The following NYAP2 variants were observed in gnomAD, a reference collection of about 807,000 sequenced individuals.
NYAP2 encodes neuronal tyrosine-phosphorylated phosphoinositide-3-kinase adaptor 2, also known as neuronal tyrosine-phosphorylated phosphoinositide-3-kinase adapter 2.
A neutral mutation model predicts 50.4 loss-of-function variants in NYAP2; 23 were observed. That is an observed-to-expected ratio of 0.46 (90% CI 0.33 to 0.65). The LOEUF (loss-of-function observed/expected upper bound fraction) is 0.65, where lower values mean the gene tolerates loss of function less well. NYAP2 is among the 30% of genes least tolerant of loss of function. The probability of loss-of-function intolerance (pLI) is 0.02; values close to 1 mark genes in which losing one functional copy is unlikely to be tolerated. For synonymous variants in NYAP2, 394 were observed against 365.2 expected, an observed-to-expected ratio of 1.08 and a Z score of -0.90; for missense variants, 885 against 861.0, an observed-to-expected ratio of 1.03 and a Z score of -0.35.
chr2:225,445,134 A>G (rs574356333), intron 3 of NYAP2, among the ~76,000 whole-genome samples: 1 of 152,212 alleles, frequency 6.6e-6, no homozygotes, highest in Non-Finnish European at 1.5e-5. Context: ...TGTTTGGGTT[A>G]CTCATATAAT....
chr2:225,399,438 G>A (rs141308368), upstream of NYAP2, among the ~76,000 whole-genome samples: 524 of 151,924 alleles, frequency 3.4e-3, 2 homozygotes, highest in South Asian at 0.023. Context: ...AGAGTCTTTG[G>A]GAAATATCAG....
intron 3 of NYAP2, among the ~76,000 whole-genome samples, chr2:225,424,662 T>C (rs951134855): frequency 1.3e-5 from 2 of 152,074 alleles, no homozygotes; most frequent in African/African-American, 2.4e-5. Context: ...TTCCCTCAAA[T>C]TGTAATTTCC....
chr2:225,695,908 T>C, the NYAP2 span, among the ~76,000 whole-genome samples: 671 of 152,034 alleles, frequency 4.4e-3, 8 homozygotes, highest in African/African-American at 0.015. Context: ...GCCCATTTTT[T>C]CAAGGAACTC....
At chr2:225,612,510 G>T (rs893183482) in intron 5 of NYAP2, among the ~76,000 whole-genome samples, 1 of 151,994 alleles carries the variant, frequency 6.6e-6, no homozygotes, top group Non-Finnish European at 1.5e-5. Context: ...GTTTGCTCAG[G>T]CTACCATAAC....
chr2:225,401,022 C>T (rs1055786736), exon 2 of NYAP2: 1 of 152,664 alleles, frequency 6.6e-6, no homozygotes. Context: ...GCACTTAGCT[C>T]TCCCTGGGGA....
the NYAP2 span, among the ~76,000 whole-genome samples, chr2:225,675,657 C>A: frequency 1.3e-5 from 2 of 152,112 alleles, no homozygotes; most frequent in Non-Finnish European, 2.9e-5. Flanking sequence ...TGGGTATACA[C>A]CCAGTAGTGG....
chr2:225,495,287 T>A (rs575650934), intron 3 of NYAP2, among the ~76,000 whole-genome samples: 372 of 152,288 alleles, frequency 2.4e-3, no homozygotes, highest in Non-Finnish European at 4.0e-3. Context: ...CTATTTGTAC[T>A]TCTCAGGGGT....
intron 3 of NYAP2, among the ~76,000 whole-genome samples, chr2:225,415,787 T>G (rs550862441): frequency 2.0e-5 from 3 of 152,078 alleles, no homozygotes; most frequent in Non-Finnish European, 4.4e-5. Flanking sequence ...TTGTCAACTT[T>G]AAGAAATACT....
At chr2:225,538,033 C>CTGA (rs1691382520) in intron 4 of NYAP2, among the ~76,000 whole-genome samples, 1 of 152,204 alleles carries the variant, frequency 6.6e-6, no homozygotes, top group Non-Finnish European at 1.5e-5. Flanking sequence ...CCAGGTAACA[C>CTGA]TGATGCAAGA....
At chr2:225,694,215 A>G in the NYAP2 span, among the ~76,000 whole-genome samples, 1 of 152,178 alleles carries the variant, frequency 6.6e-6, no homozygotes, top group African/African-American at 2.4e-5. Flanking sequence ...GAGTTTATTT[A>G]CTGGGCTTGG....
At chr2:225,478,519 C>G (rs765621263) in intron 3 of NYAP2, among the ~76,000 whole-genome samples, 4 of 152,136 alleles carry the variant, frequency 2.6e-5, no homozygotes, top group Non-Finnish European at 5.9e-5. Context: ...CTTCTATATG[C>G]TACCTTTTTG....
At chr2:225,673,521 G>C in the NYAP2 span, among the ~76,000 whole-genome samples, 1 of 152,088 alleles carries the variant, frequency 6.6e-6, no homozygotes, top group Non-Finnish European at 1.5e-5. Context: ...AACGAGGTAA[G>C]CTTATGTAAC....
At chr2:225,620,171 T>G (rs538813314) in intron 5 of NYAP2, among the ~76,000 whole-genome samples, 1 of 152,378 alleles carries the variant, frequency 6.6e-6, no homozygotes, top group South Asian at 2.1e-4. Context: ...TTGAGATATA[T>G]GGATATGGAT....
At chr2:225,645,135 A>G in intron 6 of NYAP2, among the ~76,000 whole-genome samples, 1 of 151,698 alleles carries the variant, frequency 6.6e-6, no homozygotes, top group East Asian at 1.9e-4. Flanking sequence ...GCATGCACCT[A>G]TAGTTTCAGC....
At chr2:225,446,795 C>T (rs188905075) in intron 3 of NYAP2, among the ~76,000 whole-genome samples, 135 of 152,128 alleles carry the variant, frequency 8.9e-4, no homozygotes, top group African/African-American at 3.1e-3. Context: ...ATGACTACTG[C>T]GCCTGTTAAA....
chr2:225,683,751 G>T, the NYAP2 span, among the ~76,000 whole-genome samples: 14 of 152,090 alleles, frequency 9.2e-5, no homozygotes, highest in African/African-American at 3.1e-4. Context: ...AAGAGAGCAA[G>T]ATGGAAAATA....
intron 5 of NYAP2, among the ~76,000 whole-genome samples, chr2:225,591,019 G>A (rs1030430986): frequency 1.3e-5 from 2 of 152,178 alleles, no homozygotes; most frequent in Admixed American, 1.3e-4. Context: ...TCCAGAAGGC[G>A]AGGAAGAAAC....
At chr2:225,626,893 A>T in intron 5 of NYAP2, 24 bp from the exon 6 acceptor site, 2 of 1,508,102 alleles carry the variant, frequency 1.3e-6, no homozygotes, top group Non-Finnish European at 1.8e-6. Flanking sequence ...TGTTTAACAG[A>T]ATGTAATTCT....
At chr2:225,463,944 G>A (rs1689875758) in intron 3 of NYAP2, among the ~76,000 whole-genome samples, 1 of 152,166 alleles carries the variant, frequency 6.6e-6, no homozygotes, top group African/African-American at 2.4e-5. Context: ...AGCAGTTGTA[G>A]AGATTACAGC....
Sources: gnomAD v4.1 joint callset for allele counts (sites outside exome capture counted in the v4.1 genomes callset) on GRCh38, gnomAD v4.1.1 for gene constraint, MANE v1.5 for transcripts, NCBI Gene and HGNC (gene_info 2026-07-23, HGNC 2026-07-21) for gene names.